The following KCNG2 variants were observed in gnomAD, a reference collection of about 807,000 sequenced individuals.
KCNG2 encodes potassium voltage-gated channel modifier subfamily G member 2.
A neutral mutation model predicts 12.3 loss-of-function variants in KCNG2; 7 were observed. The ratio of observed to expected loss-of-function variants is 0.57; its 90% CI spans 0.32 to 1.07. KCNG2 has a LOEUF of 1.07. KCNG2 is among the 50% of genes least tolerant of loss of function. KCNG2 has a pLI of 0.04. For synonymous variants in KCNG2, 414 were observed against 351.4 expected, an observed-to-expected ratio of 1.18 and a Z score of -1.99; for missense variants, 703 against 726.0, an observed-to-expected ratio of 0.97 and a Z score of 0.36.
chr18:79,811,545 T>C (rs1185903055), intron 1 of KCNG2, among the ~76,000 whole-genome samples: 2 of 151,950 alleles, frequency 1.3e-5, no homozygotes, highest in Non-Finnish European at 2.9e-5. Context: ...ATCCAAAATG[T>C]CCATGATACA....
In KCNG2 at chr18:79,873,745, G is replaced by A. The variant is rs546829693; in HGVS notation, c.624+9454G>A. Among the ~76,000 whole-genome samples, 36 of 152,332 alleles carry A rather than the reference G, an allele frequency of 2.4e-4. No individual in the cohort carries two copies. In the East Asian group the frequency reaches 6.0e-3, roughly 25 times the overall value. On this transcript the variant is annotated intron_variant, in intron 3 of 3. Transcript: ENST00000316249. ...AGGAAAGCAGGGGAGGCCATGGAGC[G>A]GCCGCGGTTAGAGCTGGCAACAGTG...
intron 1 of KCNG2, among the ~76,000 whole-genome samples, chr18:79,854,590 G>A (rs1393953901): frequency 2.0e-5 from 3 of 149,188 alleles, no homozygotes; most frequent in Non-Finnish European, 4.4e-5. Flanking sequence ...GCGGTGGCGT[G>A]ATCTTGGCTC....
At chr18:79,891,453 A>G (rs1177074477) in intron 3 of KCNG2, among the ~76,000 whole-genome samples, 2 of 151,090 alleles carry the variant, frequency 1.3e-5, no homozygotes, top group African/African-American at 4.9e-5. Context: ...CTGGTCTCCA[A>G]CTCCTGAGCT....
intron 3 of KCNG2, among the ~76,000 whole-genome samples, chr18:79,882,782 CG>C (rs535268260): frequency 2.1e-4 from 29 of 141,446 alleles, no homozygotes; most frequent in African/African-American, 7.4e-4. Context: ...GGTACACCTG[CG>C]CGTGGAGCGC....
intron 3 of KCNG2, among the ~76,000 whole-genome samples, chr18:79,894,856 T>C (rs1188382561): frequency 6.6e-6 from 1 of 151,954 alleles, no homozygotes; most frequent in Non-Finnish European, 1.5e-5. Flanking sequence ...GATTGGGTTG[T>C]TCACTCCATT....
intron 1 of KCNG2, among the ~76,000 whole-genome samples, chr18:79,815,771 CCT>C (rs1156565898): frequency 6.6e-6 from 1 of 152,210 alleles, no homozygotes; most frequent in Non-Finnish European, 1.5e-5. Context: ...TGTCCTGTCC[CCT>C]GTCCCCTGCT....
intron 2 of KCNG2, among the ~76,000 whole-genome samples, chr18:79,859,584 C>T (rs942525740): frequency 2.0e-5 from 3 of 152,208 alleles, no homozygotes; most frequent in Non-Finnish European, 4.4e-5. Context: ...GATCAGCCCC[C>T]ATGACCCAAA....
At chr18:79,829,592 C>T (rs192667434) in intron 1 of KCNG2, among the ~76,000 whole-genome samples, 192 of 152,232 alleles carry the variant, frequency 1.3e-3, no homozygotes, top group Non-Finnish European at 2.3e-3. Flanking sequence ...TGGTCAGTCT[C>T]TGCCTCACAC....
chr18:79,833,519 T>C, intron 1 of KCNG2, among the ~76,000 whole-genome samples: 1 of 152,252 alleles, frequency 6.6e-6, no homozygotes, highest in South Asian at 2.1e-4. Flanking sequence ...TTCAATTGCA[T>C]GTTGTTAGCA....
chr18:79,856,794 A>G (rs553398965), intron 2 of KCNG2, among the ~76,000 whole-genome samples: 1 of 152,042 alleles, frequency 6.6e-6, no homozygotes, highest in Non-Finnish European at 1.5e-5. Flanking sequence ...TTTCTGAGGC[A>G]GCACGTTCAG....
At chr18:79,845,250 T>C (rs12607940) in intron 1 of KCNG2, among the ~76,000 whole-genome samples, 14,083 of 152,192 alleles carry the variant, frequency 0.093, 897 homozygotes, top group African/African-American at 0.18. Context: ...ATGAACAGTT[T>C]CCAGGGGTTC....
chr18:79,859,467 A>C (rs1348676058), intron 2 of KCNG2, among the ~76,000 whole-genome samples: 2 of 152,214 alleles, frequency 1.3e-5, no homozygotes, highest in Admixed American at 6.5e-5. Flanking sequence ...AGATGGAGGA[A>C]GCAAGGGCTA....
intron 3 of KCNG2, among the ~76,000 whole-genome samples, chr18:79,885,432 CG>C (rs1275383354): frequency 6.6e-6 from 1 of 152,180 alleles, no homozygotes; most frequent in Non-Finnish European, 1.5e-5. Flanking sequence ...TGTGGTTCCG[CG>C]GGTGGTCTCT....
chr18:79,850,451 A>G (rs550726225), intron 1 of KCNG2, among the ~76,000 whole-genome samples: 19 of 152,164 alleles, frequency 1.2e-4, no homozygotes, highest in Non-Finnish European at 2.5e-4. Flanking sequence ...CTAGTAGTCC[A>G]TGTTTTATTC....
chr18:79,820,425 G>C (rs1409293763), intron 1 of KCNG2, among the ~76,000 whole-genome samples: 9 of 152,172 alleles, frequency 5.9e-5, no homozygotes, highest in African/African-American at 2.2e-4. Flanking sequence ...GCAATCCTGA[G>C]GGGTCCAGTA....
At chr18:79,872,167 C>A (rs1258053802) in intron 3 of KCNG2, among the ~76,000 whole-genome samples, 2 of 149,222 alleles carry the variant, frequency 1.3e-5, no homozygotes, top group East Asian at 3.9e-4. Context: ...GCTCTGCTTC[C>A]TGCACAGATT....
chr18:79,864,141 C>T lies in KCNG2; in HGVS notation c.474C>T (p.Arg158=), dbSNP rs746863584. The part of the protein sequence containing the change: ...RALGPRGRLQ[R]GRRRLRDVVD... Reference sequence around the variant, plus strand: ...TGGGACCTCGGGGGCGGCTGCAGCGCGGCCGGCGGCGCCTGCGCGACGTGG... The same window carrying T: ...TGGGACCTCGGGGGCGGCTGCAGCGTGGCCGGCGGCGCCTGCGCGACGTGG... Residue 158 remains arginine (R), a synonymous_variant, in exon 3 of 4, where the codon CGC becomes CGT. Coordinates refer to ENST00000316249, the MANE Select transcript of KCNG2 (RefSeq NM_012283.2). 1.5e-6 allele frequency: 2 copies of T among 1,368,244 alleles called. No homozygotes were observed. The highest frequency in any genetic ancestry group is 1.6e-5 in the African/African-American group (1 of 64,398). The allele number at this position is 1,368,244 out of a possible 1,614,324, so 84.8% of individuals were successfully genotyped here. A position where few individuals can be genotyped will look rare whatever the true frequency, so the allele number is the denominator to read the frequency against.
intron 3 of KCNG2, among the ~76,000 whole-genome samples, chr18:79,868,274 C>T (rs906781910): frequency 3.9e-5 from 6 of 152,196 alleles, no homozygotes; most frequent in Non-Finnish European, 5.9e-5. Flanking sequence ...ACTCCTGGCA[C>T]GCACCCCTAA....
intron 3 of KCNG2, among the ~76,000 whole-genome samples, chr18:79,895,159 T>C (rs1980917657): frequency 6.6e-6 from 1 of 152,178 alleles, no homozygotes; most frequent in East Asian, 1.9e-4. Context: ...TAGTTGGGTC[T>C]GTGTCTGCTT....
Sources: allele counts gnomAD v4.1 joint callset (sites outside exome capture counted in the v4.1 genomes callset), GRCh38; gene constraint gnomAD v4.1.1; transcripts MANE v1.5; gene names NCBI Gene and HGNC (gene_info 2026-07-23, HGNC 2026-07-21).